The following NRG2 variants were observed in gnomAD, a reference collection of about 807,000 sequenced individuals.
The protein encoded by NRG2 is neuregulin 2.
NRG2 carries 27 observed loss-of-function variants against 73.9 expected under a neutral mutation model. The ratio of observed to expected loss-of-function variants is 0.37; its 90% CI spans 0.27 to 0.50. NRG2 has a LOEUF of 0.50. Among genes scored for constraint, NRG2 ranks in the 20% least tolerant of loss-of-function variants. NRG2 has a pLI of 0.96. For missense variants in NRG2, 1,126 were observed against 1,210.1 expected (o/e 0.93, Z 1.03); for synonymous variants, 532 against 541.0 (o/e 0.98, Z 0.23).
intron 1 of NRG2, among the ~76,000 whole-genome samples, chr5:139,959,428 G>C (rs1214291507): frequency 6.6e-6 from 1 of 152,178 alleles, no homozygotes; most frequent in African/African-American, 2.4e-5. Context: ...CCAGGCTGGA[G>C]TGCAATGGCG....
At chr5:139,977,754 C>G (rs905467422) in intron 1 of NRG2, among the ~76,000 whole-genome samples, 2 of 152,086 alleles carry the variant, frequency 1.3e-5, no homozygotes, top group Non-Finnish European at 2.9e-5. Context: ...AGATATAGAC[C>G]AACGGAACAG....
intron 1 of NRG2, among the ~76,000 whole-genome samples, chr5:139,933,481 A>T (rs1356100601): frequency 6.6e-6 from 1 of 152,218 alleles, no homozygotes. Context: ...AGGCTTCAAG[A>T]AAAGGAATAT....
chr5:139,881,969 C>A (rs1445357485), intron 2 of NRG2, among the ~76,000 whole-genome samples: 1 of 152,188 alleles, frequency 6.6e-6, no homozygotes, highest in Non-Finnish European at 1.5e-5. Context: ...CCTTCCTCTG[C>A]CTCCAAGGGC....
intron 1 of NRG2, among the ~76,000 whole-genome samples, chr5:139,972,048 C>A (rs1290968587): frequency 1.3e-5 from 2 of 152,100 alleles, no homozygotes; most frequent in East Asian, 3.8e-4. Flanking sequence ...ATCAGTGGAA[C>A]ATAATATAAA....
chr5:139,929,837 T>G (rs572705369), intron 1 of NRG2, among the ~76,000 whole-genome samples: 1 of 152,306 alleles, frequency 6.6e-6, no homozygotes, highest in South Asian at 2.1e-4. Flanking sequence ...TCCCATCGGC[T>G]GCTGTGTCAC....
intron 1 of NRG2, among the ~76,000 whole-genome samples, chr5:139,944,333 A>G (rs1753639502): frequency 6.6e-6 from 1 of 152,186 alleles, no homozygotes; most frequent in Non-Finnish European, 1.5e-5. Flanking sequence ...CTACTGGACT[A>G]TAGAACACTA....
At chr5:139,970,879 A>T (rs1211392691) in intron 1 of NRG2, among the ~76,000 whole-genome samples, 2 of 152,252 alleles carry the variant, frequency 1.3e-5, no homozygotes, top group Admixed American at 6.5e-5. Context: ...AGCACTATCC[A>T]TGAAACCTTT....
chr5:139,851,558 C>T lies in NRG2; in HGVS notation c.1772+46G>A, dbSNP rs1332793775. The T allele has an allele frequency of 8.2e-6, 13 of 1,579,840 alleles. No individual in the cohort carries two copies. The highest frequency in any genetic ancestry group is 1.0e-5 in the Non-Finnish European group (12 of 1,152,036). Reference sequence around the variant, plus strand: ...AGGGTCAGCCTTGGGCCAGTGGTGCCAGCCCTCTGGCTAAGCGGGGAATAG... The same window carrying T: ...AGGGTCAGCCTTGGGCCAGTGGTGCTAGCCCTCTGGCTAAGCGGGGAATAG... On this transcript the variant is annotated intron_variant, in intron 9 of 9. Coordinates refer to ENST00000361474, the MANE Select transcript of NRG2 (RefSeq NM_004883.3). This position sits in a 1 kb window ranked among gnomAD's most constrained non-coding sequence, Gnocchi z 4.2.
At chr5:139,878,024 G>C (rs979979931) in intron 3 of NRG2, among the ~76,000 whole-genome samples, 4 of 152,160 alleles carry the variant, frequency 2.6e-5, no homozygotes, top group African/African-American at 9.7e-5. Context: ...GCCTACGGAG[G>C]GCTGACAGTA....
chr5:140,018,326 A>G (rs1484229461), intron 1 of NRG2, among the ~76,000 whole-genome samples: 2 of 152,202 alleles, frequency 1.3e-5, no homozygotes, highest in East Asian at 3.9e-4. Flanking sequence ...ACAGCAATGA[A>G]GTAGAAGAGA....
intron 1 of NRG2, among the ~76,000 whole-genome samples, chr5:139,978,704 A>G (rs1028834938): frequency 2.6e-5 from 4 of 152,196 alleles, no homozygotes; most frequent in African/African-American, 9.7e-5. Flanking sequence ...TTATTGTGGC[A>G]CTATTCACAA....
intron 1 of NRG2, among the ~76,000 whole-genome samples, chr5:139,924,891 G>A (rs987660669): frequency 9.2e-5 from 14 of 152,178 alleles, no homozygotes; most frequent in Non-Finnish European, 7.3e-5. Context: ...GCATTAAGTT[G>A]CTAATACATT....
chr5:140,005,979 G>T lies in NRG2; in HGVS notation c.700+36391C>A, dbSNP rs993519429. Among the ~76,000 whole-genome samples the T allele has an allele frequency of 2.6e-5, 4 of 152,288 alleles. No homozygotes were observed. The East Asian group carries it at 7.7e-4, about 29-fold the overall frequency. On this transcript the variant is annotated intron_variant, in intron 1 of 9. Transcript: ENST00000361474. ...CTACTCTAGAAAACTAGATACCAAA[G>T]ACGTCTAGGTCAAAGGCTCTGAAAA... is the stretch of plus-strand genomic sequence containing the variant.
intron 1 of NRG2, among the ~76,000 whole-genome samples, chr5:139,991,666 G>T (rs1420109016): frequency 2.0e-5 from 3 of 152,130 alleles, no homozygotes; most frequent in Non-Finnish European, 4.4e-5. Context: ...CAAAGTGCTG[G>T]GATTACAGGC....
At chr5:139,916,351 C>A (rs1269768952) in intron 1 of NRG2, among the ~76,000 whole-genome samples, 1 of 152,110 alleles carries the variant, frequency 6.6e-6, no homozygotes, top group Non-Finnish European at 1.5e-5. Flanking sequence ...GTAAAATATC[C>A]CCACCATCAA....
At chr5:139,976,335 C>T (rs555330494) in intron 1 of NRG2, among the ~76,000 whole-genome samples, 1 of 152,356 alleles carries the variant, frequency 6.6e-6, no homozygotes, top group East Asian at 1.9e-4. Context: ...ATGCCTTCCC[C>T]AGAGGCTTTA....
chr5:139,912,116 C>A (rs1750870554), intron 1 of NRG2, among the ~76,000 whole-genome samples: 1 of 152,152 alleles, frequency 6.6e-6, no homozygotes. Context: ...TCTATCCATT[C>A]TGGGAGGTCA....
chr5:139,986,354 G>A (rs897335108), intron 1 of NRG2, among the ~76,000 whole-genome samples: 6 of 152,144 alleles, frequency 3.9e-5, no homozygotes, highest in South Asian at 2.1e-4. Context: ...GGGCTTTGGC[G>A]TAGGTCAGTC....
intron 1 of NRG2, among the ~76,000 whole-genome samples, chr5:139,999,556 C>T (rs957833997): frequency 5.9e-5 from 9 of 152,184 alleles, no homozygotes; most frequent in African/African-American, 1.9e-4. Context: ...AGGGACCAGA[C>T]GTTCTCTGTT....
Sources: gnomAD v4.1 joint callset for allele counts (sites outside exome capture counted in the v4.1 genomes callset) on GRCh38, gnomAD v4.1.1 for gene constraint, Gnocchi (gnomAD v3.1) non-coding constraint, MANE v1.5 for transcripts, NCBI Gene and HGNC (gene_info 2026-07-23, HGNC 2026-07-21) for gene names.